The following UGT1A8 variants were observed in gnomAD, a reference collection of about 807,000 sequenced individuals.
The protein encoded by UGT1A8 is UDP glucuronosyltransferase family 1 member A8.
In UGT1A8, 39 loss-of-function variants were observed where a neutral mutation model predicts 45.3. That is an observed-to-expected ratio of 0.86 (90% CI 0.67 to 1.12). The LOEUF is 1.12. Among genes scored for constraint, UGT1A8 ranks in the 50% most tolerant of loss-of-function variants. The probability of loss-of-function intolerance (pLI) is 0.00; values close to 1 mark genes in which losing one functional copy is unlikely to be tolerated. For synonymous variants in UGT1A8, 275 were observed against 249.2 expected (o/e 1.10, Z -0.97); for missense variants, 719 against 664.9 (o/e 1.08, Z -0.90).
chr2:233,693,146 G>A lies in UGT1A8; in HGVS notation c.856-73888G>A, dbSNP rs2075134589. On this transcript the variant is annotated intron_variant, in intron 1 of 4. Transcript: ENST00000373450. ...GCTTAGTATGAAGGATATAGTTGAG[G>A]TTCTCAGTGACCGGGGTCATGAGAT... is the stretch of plus-strand genomic sequence containing the variant. 5 of 1,614,204 alleles carry A rather than the reference G, an allele frequency of 3.1e-6. No homozygotes were observed. The highest frequency in any genetic ancestry group is 1.3e-5 in the African/African-American group (1 of 75,052).
intron 1 of UGT1A8, among the ~76,000 whole-genome samples, chr2:233,622,785 T>C (rs1030332990): frequency 1.3e-5 from 2 of 152,278 alleles, no homozygotes; most frequent in Admixed American, 6.5e-5. Flanking sequence ...GGTGTTTTAG[T>C]CATGAAGTCT....
At chr2:233,711,885 A>T (rs1353454537) in intron 1 of UGT1A8, among the ~76,000 whole-genome samples, 1 of 152,222 alleles carries the variant, frequency 6.6e-6, no homozygotes, top group African/African-American at 2.4e-5. Context: ...GAGCAGGACG[A>T]GTCTCATGGG....
chr2:233,670,052 A>G (rs1485342461), intron 1 of UGT1A8, among the ~76,000 whole-genome samples: 2 of 152,224 alleles, frequency 1.3e-5, no homozygotes, highest in East Asian at 3.8e-4. Context: ...AAGCCTTACC[A>G]ATAACAGAAA....
chr2:233,743,470 G>C (rs1240539380), intron 1 of UGT1A8: 5 of 1,366,644 alleles, frequency 3.7e-6, no homozygotes, highest in Middle Eastern at 4.2e-4. Flanking sequence ...ACCCCCAAAA[G>C]CTGGAAATTC....
chr2:233,729,788 C>T (rs377448970), intron 1 of UGT1A8: 5 of 1,613,954 alleles, frequency 3.1e-6, no homozygotes, highest in Non-Finnish European at 3.4e-6. Flanking sequence ...CTGGCCCTGT[C>T]CTACATTTGC....
intron 1 of UGT1A8, chr2:233,755,107 C>A (rs952341644): frequency 1.5e-6 from 2 of 1,333,188 alleles, no homozygotes; most frequent in Non-Finnish European, 2.0e-6. Context: ...TCCGACAACA[C>A]CTCGTAGGCC....
rs374192063 is a variant in UGT1A8, at chr2:233,743,919, T to C, written c.856-23115T>C. On this transcript the variant is annotated intron_variant, in intron 1 of 4. Coordinates refer to ENST00000373450, the MANE Select transcript of UGT1A8 (RefSeq NM_019076.5). ...AGCACCTCGTAGTAGTCCACCATGC[T>C]GGATGGCCAGAACGGCCCACCAGGC... The C allele has an allele frequency of 3.5e-4, 473 of 1,363,952 alleles. 9 individuals are homozygous for C. The highest frequency in any genetic ancestry group is 2.5e-3 in the African/African-American group (172 of 67,460). 84.5% of individuals were successfully genotyped at this position (1,363,952 alleles called of 1,614,324 possible).
At chr2:233,734,729 GT>G (rs200668434) in intron 1 of UGT1A8, among the ~76,000 whole-genome samples, 10,395 of 152,166 alleles carry the variant, frequency 0.068, 499 homozygotes, top group East Asian at 0.2. Flanking sequence ...GTTCTCGTCG[GT>G]TTCAAAGAAC....
chr2:233,661,623 T>TTTTTTTTCTTTCTTTC (rs2073965131), intron 1 of UGT1A8, among the ~76,000 whole-genome samples: 1 of 123,952 alleles, frequency 8.1e-6, no homozygotes, highest in Non-Finnish European at 1.7e-5. Context: ...ACTTACTGAA[T>TTTTTTTTCTTTCTTTC]TTTCTTTCTT....
intron 1 of UGT1A8, among the ~76,000 whole-genome samples, chr2:233,765,111 G>C (rs1698754315): frequency 6.6e-6 from 1 of 152,118 alleles, no homozygotes; most frequent in Non-Finnish European, 1.5e-5. Context: ...GGCTTCCTCA[G>C]GACTGTTCAG....
At chr2:233,629,125 C>G (rs889156297) in intron 1 of UGT1A8, among the ~76,000 whole-genome samples, 5 of 152,068 alleles carry the variant, frequency 3.3e-5, no homozygotes, top group African/African-American at 1.2e-4. Flanking sequence ...TCCATTCCCC[C>G]CTCCTCTCAG....
intron 1 of UGT1A8, among the ~76,000 whole-genome samples, chr2:233,634,252 G>C (rs2073238937): frequency 6.6e-6 from 1 of 152,192 alleles, no homozygotes; most frequent in Non-Finnish European, 1.5e-5. Flanking sequence ...TTTAGAATAA[G>C]TGCAATGTGG....
intron 1 of UGT1A8, among the ~76,000 whole-genome samples, chr2:233,676,768 G>T (rs542086900): frequency 6.6e-6 from 1 of 152,158 alleles, no homozygotes; most frequent in Non-Finnish European, 1.5e-5. Context: ...TAGACTTTTG[G>T]TAGGAAGACA....
rs1384455680 is a variant in UGT1A8, at chr2:233,701,870, TA to T, written c.856-65161del. 2.0e-5 allele frequency among the ~76,000 whole-genome samples: 3 copies of T among 152,182 alleles called. No homozygotes were observed. The East Asian group carries it at 5.8e-4, about 29-fold the overall frequency. ...GTGTGTAGAGGGAAATTTATAGCAC[TA>T]AATGCCCACAAGAGAAAGCAGAAAA... On this transcript the variant is annotated intron_variant, in intron 1 of 4. Coordinates refer to ENST00000373450, the MANE Select transcript of UGT1A8 (RefSeq NM_019076.5).
chr2:233,686,593 T>G (rs1383954117), intron 1 of UGT1A8, among the ~76,000 whole-genome samples: 1 of 152,128 alleles, frequency 6.6e-6, no homozygotes, highest in East Asian at 1.9e-4. Context: ...ACTGCTGCTT[T>G]CTTTGACTGT....
intron 1 of UGT1A8, among the ~76,000 whole-genome samples, chr2:233,649,523 CTTATT>C (rs1201061307): frequency 1.3e-5 from 2 of 152,160 alleles, no homozygotes; most frequent in Non-Finnish European, 2.9e-5. Flanking sequence ...AATATTTATA[CTTATT>C]TTATGAAAAT....
At chr2:233,768,544 T>C in intron 4 of UGT1A8, 105 bp downstream of exon 4, 1 of 1,425,890 alleles carries the variant, frequency 7.0e-7, no homozygotes, top group South Asian at 1.4e-5. Context: ...GTTTCAAATA[T>C]AAAAACAAAT....
intron 1 of UGT1A8, among the ~76,000 whole-genome samples, chr2:233,736,444 A>G (rs1261930355): frequency 1.3e-5 from 2 of 152,138 alleles, no homozygotes; most frequent in Non-Finnish European, 2.9e-5. Flanking sequence ...CTTCCTTGCA[A>G]TAGGTTCGAA....
chr2:233,639,082 A>G (rs942147241), intron 1 of UGT1A8, among the ~76,000 whole-genome samples: 1 of 152,196 alleles, frequency 6.6e-6, no homozygotes, highest in East Asian at 1.9e-4. Flanking sequence ...AGGGTCACCT[A>G]GAGGCCTTTA....
Sources: allele counts gnomAD v4.1 joint callset (sites outside exome capture counted in the v4.1 genomes callset), GRCh38; gene constraint gnomAD v4.1.1; transcripts MANE v1.5; gene names NCBI Gene and HGNC (gene_info 2026-07-23, HGNC 2026-07-21).